NREP: variants seen among roughly 807,000 people sequenced by gnomAD.
NREP encodes neuronal regeneration related protein.
NREP carries 5 observed loss-of-function variants against 8.6 expected under a neutral mutation model. The ratio of observed to expected loss-of-function variants is 0.58; its 90% confidence interval spans 0.30 to 1.22. NREP has a LOEUF of 1.22. Ranked by LOEUF, NREP falls within the 50% of genes most tolerant of loss-of-function variation. The probability of loss-of-function intolerance (pLI) is 0.07; values close to 1 mark genes in which losing one functional copy is unlikely to be tolerated. For synonymous variants in NREP, 27 were observed against 28.0 expected, an observed-to-expected ratio of 0.96 and a Z score of 0.11; for missense variants, 86 against 82.5, an observed-to-expected ratio of 1.04 and a Z score of -0.17.
chr5:111,952,120 C>A (rs10045865), intron 2 of NREP, among the ~76,000 whole-genome samples: 59,724 of 151,914 alleles, frequency 0.39, 14,273 homozygotes, highest in Non-Finnish European at 0.54. Context: ...TTCCCTTTCC[C>A]GACGAATCAT....
exon 2 of NREP, chr5:111,975,367 T>C (rs1414223443): frequency 2.6e-6 from 4 of 1,551,550 alleles, no homozygotes; most frequent in Non-Finnish European, 2.6e-6. Context: ...GTGTTTCATC[T>C]TCTCTTCGGC....
chr5:111,751,088 CAACTT>C (rs1171700099), intron 2 of NREP, among the ~76,000 whole-genome samples: 7 of 152,064 alleles, frequency 4.6e-5, no homozygotes, highest in Non-Finnish European at 1.5e-5. Context: ...TAAAAAAATT[CAACTT>C]AATAGATGTT....
At chr5:111,970,310 G>T (rs1360691951) in intron 2 of NREP, among the ~76,000 whole-genome samples, 2 of 151,894 alleles carry the variant, frequency 1.3e-5, no homozygotes, top group African/African-American at 4.8e-5. Flanking sequence ...TTCTTACATC[G>T]CTGTCAAAAT....
At chr5:111,930,476 C>G (rs1755507036) in intron 2 of NREP, among the ~76,000 whole-genome samples, 1 of 152,098 alleles carries the variant, frequency 6.6e-6, no homozygotes, top group Non-Finnish European at 1.5e-5. Context: ...ATTTTTTACA[C>G]CTTTTAACCA....
At chr5:111,733,100 AC>A (rs1210112823) in intron 3 of NREP, 2 of 152,186 alleles carry the variant, frequency 1.3e-5, no homozygotes, top group African/African-American at 4.8e-5. Context: ...ATTTGAATTT[AC>A]CATTTTTACC....
intron 2 of NREP, among the ~76,000 whole-genome samples, chr5:111,818,777 T>C (rs527980368): frequency 6.6e-6 from 1 of 152,272 alleles, no homozygotes; most frequent in East Asian, 1.9e-4. Flanking sequence ...CTGATTGTAG[T>C]GGTAAGGATA....
chr5:111,847,577 A>G (rs1465850522), intron 2 of NREP, among the ~76,000 whole-genome samples: 1 of 152,182 alleles, frequency 6.6e-6, no homozygotes, highest in East Asian at 1.9e-4. Flanking sequence ...ACTAACTCAT[A>G]GTGTCCTGCA....
intron 2 of NREP, among the ~76,000 whole-genome samples, chr5:111,959,449 C>T (rs1432370496): frequency 6.6e-6 from 1 of 151,862 alleles, no homozygotes; most frequent in Non-Finnish European, 1.5e-5. Context: ...TCTATATGTA[C>T]ATTAGCTAAA....
At chr5:111,837,271 T>C (rs1752918348) in intron 2 of NREP, among the ~76,000 whole-genome samples, 1 of 151,956 alleles carries the variant, frequency 6.6e-6, no homozygotes, top group South Asian at 2.1e-4. Flanking sequence ...AGATACAAGG[T>C]AAGTCTGGGA....
chr5:111,894,795 G>A (rs1754469943), intron 2 of NREP, among the ~76,000 whole-genome samples: 1 of 152,160 alleles, frequency 6.6e-6, no homozygotes, highest in Non-Finnish European at 1.5e-5. Context: ...ACCACACTCG[G>A]GTAATATCAA....
At chr5:111,936,570 C>A (rs1206589632) in intron 2 of NREP, among the ~76,000 whole-genome samples, 1 of 152,036 alleles carries the variant, frequency 6.6e-6, no homozygotes, top group Admixed American at 6.6e-5. Context: ...ATATTTATAT[C>A]TGCAACAATC....
intron 2 of NREP, among the ~76,000 whole-genome samples, chr5:111,817,328 T>C (rs779823442): frequency 5.8e-4 from 89 of 152,334 alleles, no homozygotes; most frequent in Non-Finnish European, 9.6e-4. Flanking sequence ...GTGGTGATGA[T>C]AGACTTCCTT....
chr5:111,817,211 A>G (rs1021301672), intron 2 of NREP, among the ~76,000 whole-genome samples: 1 of 152,200 alleles, frequency 6.6e-6, no homozygotes, highest in African/African-American at 2.4e-5. Context: ...CAATTACGTT[A>G]TCTACAAATG....
At chr5:111,935,193 A>G (rs144917764) in intron 2 of NREP, among the ~76,000 whole-genome samples, 1 of 152,222 alleles carries the variant, frequency 6.6e-6, no homozygotes, top group East Asian at 1.9e-4. Flanking sequence ...TCATGATCAC[A>G]TGGGAGGGAG....
intron 2 of NREP, among the ~76,000 whole-genome samples, chr5:111,824,884 A>T (rs1285822215): frequency 2.6e-5 from 4 of 152,220 alleles, no homozygotes; most frequent in Non-Finnish European, 4.4e-5. Flanking sequence ...TGTGAAGCAA[A>T]ACAGGAGTAA....
At chr5:111,896,885 A>G (rs755927700) in intron 2 of NREP, among the ~76,000 whole-genome samples, 1 of 152,180 alleles carries the variant, frequency 6.6e-6, no homozygotes, top group East Asian at 1.9e-4. Flanking sequence ...TTGAGTTACA[A>G]TATGATTTAT....
At chr5:111,851,127 G>C in intron 2 of NREP, among the ~76,000 whole-genome samples, 1 of 152,132 alleles carries the variant, frequency 6.6e-6, no homozygotes, top group Non-Finnish European at 1.5e-5. Flanking sequence ...TTCTGCCTCA[G>C]GGTGACTATG....
At chr5:111,883,419 CAGAA>C (rs1481381224) in intron 2 of NREP, among the ~76,000 whole-genome samples, 9 of 152,128 alleles carry the variant, frequency 5.9e-5, no homozygotes, top group Non-Finnish European at 1.2e-4. Flanking sequence ...ATCAACGAGA[CAGAA>C]AGTTAACAAG....
At chr5:111,954,724 C>T (rs775212944) in intron 2 of NREP, among the ~76,000 whole-genome samples, 4 of 152,072 alleles carry the variant, frequency 2.6e-5, no homozygotes, top group Non-Finnish European at 5.9e-5. Flanking sequence ...GTGACAGGTT[C>T]CCTTCATGCT....
Sources: allele counts gnomAD v4.1 joint callset (sites outside exome capture counted in the v4.1 genomes callset), GRCh38; gene constraint gnomAD v4.1.1; transcripts MANE v1.5; gene names NCBI Gene and HGNC (gene_info 2026-07-23, HGNC 2026-07-21).